Variants in GPD2 observed in about 807,000 individuals in gnomAD.
GPD2 encodes the protein glycerol-3-phosphate dehydrogenase 2.
In GPD2, 54 loss-of-function variants were observed where a neutral mutation model predicts 82.4. That is an observed-to-expected ratio of 0.66 (90% CI 0.53 to 0.82). The LOEUF (loss-of-function observed/expected upper bound fraction) is 0.82, where lower values mean the gene tolerates loss of function less well. Among genes scored for constraint, GPD2 ranks in the 40% least tolerant of loss-of-function variants. GPD2 has a pLI of 0.00. For synonymous variants in GPD2, 288 were observed against 306.1 expected (o/e 0.94, Z 0.62); for missense variants, 748 against 896.2 (o/e 0.83, Z 2.11).
chr2:156,405,007 T>C, the GPD2 span, among the ~76,000 whole-genome samples: 1 of 152,150 alleles, frequency 6.6e-6, no homozygotes, highest in Non-Finnish European at 1.5e-5. Context: ...TTCGGAGCAT[T>C]TGAAGGAATA....
At chr2:156,541,824 G>GTTTTTTTT (rs61067726) in intron 6 of GPD2, among the ~76,000 whole-genome samples, 1,741 of 81,178 alleles carry the variant, frequency 0.021, 89 homozygotes, top group East Asian at 0.045. Flanking sequence ...AATGCTGTTT[G>GTTTTTTTT]TTTTTTTTTT....
upstream of GPD2, among the ~76,000 whole-genome samples, chr2:156,431,904 T>TTTTA (rs1688320871): frequency 7.2e-6 from 1 of 138,604 alleles, no homozygotes; most frequent in African/African-American, 2.5e-5. Context: ...TTTTTTTTTT[T>TTTTA]GAGATAGAGT....
intron 3 of GPD2, among the ~76,000 whole-genome samples, chr2:156,510,203 A>G (rs559887636): frequency 1.3e-4 from 20 of 152,280 alleles, no homozygotes; most frequent in Admixed American, 3.9e-4. Context: ...AAACACCTCA[A>G]TATCAGAACT....
intron 2 of GPD2, among the ~76,000 whole-genome samples, chr2:156,483,394 C>G (rs1258289748): frequency 6.6e-6 from 1 of 152,174 alleles, no homozygotes; most frequent in Admixed American, 6.5e-5. Context: ...TCAATACATA[C>G]AAATCAGTGA....
At chr2:156,529,781 C>T (rs1377294886) in intron 6 of GPD2, among the ~76,000 whole-genome samples, 2 of 151,728 alleles carry the variant, frequency 1.3e-5, no homozygotes, top group Non-Finnish European at 2.9e-5. Context: ...GGGCTCTGTT[C>T]TGTTCCATTG....
chr2:156,458,707 A>G (rs1170055929), intron 1 of GPD2, among the ~76,000 whole-genome samples: 3 of 152,340 alleles, frequency 2.0e-5, no homozygotes, highest in Non-Finnish European at 1.5e-5. Context: ...TAATGGTCAG[A>G]TGATATGGGA....
At chr2:156,416,581 T>C in the GPD2 span, among the ~76,000 whole-genome samples, 3 of 149,918 alleles carry the variant, frequency 2.0e-5, no homozygotes, top group African/African-American at 7.4e-5. Flanking sequence ...CAGGCTGGCC[T>C]CAAACTCCTG....
At chr2:156,436,044 G>T (rs897409783), upstream of GPD2, among the ~76,000 whole-genome samples, 8 of 152,222 alleles carry the variant, frequency 5.3e-5, no homozygotes, top group Non-Finnish European at 7.3e-5. Context: ...GCCCTTGCGT[G>T]TGGCGCTGCG....
At chr2:156,553,175 A>G (rs1478217407) in intron 8 of GPD2, among the ~76,000 whole-genome samples, 1 of 152,084 alleles carries the variant, frequency 6.6e-6, no homozygotes, top group African/African-American at 2.4e-5. Flanking sequence ...GACGTGAGCC[A>G]CTGTGCCCGG....
At chr2:156,502,007 G>A (rs1684600138) in intron 3 of GPD2, 2 of 154,598 alleles carry the variant, frequency 1.3e-5, no homozygotes, top group Non-Finnish European at 2.9e-5. Context: ...AATACATGAA[G>A]TTTAGAATAT....
chr2:156,405,298 C>T, the GPD2 span, among the ~76,000 whole-genome samples: 2 of 152,254 alleles, frequency 1.3e-5, no homozygotes, highest in South Asian at 4.1e-4. Flanking sequence ...GAAATTCTGA[C>T]TTTGAAGTAA....
At chr2:156,484,590 A>G (rs1243591716) in intron 2 of GPD2, among the ~76,000 whole-genome samples, 1 of 152,130 alleles carries the variant, frequency 6.6e-6, no homozygotes, top group African/African-American at 2.4e-5. Flanking sequence ...CTGTAATCCC[A>G]GCACTTTGGG....
the GPD2 span, among the ~76,000 whole-genome samples, chr2:156,416,113 T>C: frequency 8.4e-4 from 127 of 151,998 alleles, no homozygotes; most frequent in Non-Finnish European, 1.6e-3. Context: ...ATTCATTCCT[T>C]TTTATCTTGA....
At chr2:156,531,915 AC>A (rs1685875887) in intron 6 of GPD2, among the ~76,000 whole-genome samples, 1 of 152,098 alleles carries the variant, frequency 6.6e-6, no homozygotes, top group Admixed American at 6.6e-5. Context: ...TGCCTACTCC[AC>A]CAAAAGGGCT....
intron 7 of GPD2, 105 bp downstream of exon 7, chr2:156,549,877 T>A: frequency 1.2e-6 from 1 of 850,792 alleles, no homozygotes; most frequent in Non-Finnish European, 2.0e-6. Flanking sequence ...TATGCCACGC[T>A]TCAGAGTCAT....
chr2:156,520,089 A>G (rs893908053), intron 6 of GPD2, among the ~76,000 whole-genome samples: 1 of 152,128 alleles, frequency 6.6e-6, no homozygotes, highest in Non-Finnish European at 1.5e-5. Flanking sequence ...GAGTGGGAAG[A>G]TAACCTCCCT....
chr2:156,494,751 G>T (rs1481123305), intron 2 of GPD2, among the ~76,000 whole-genome samples: 1 of 152,132 alleles, frequency 6.6e-6, no homozygotes, highest in Non-Finnish European at 1.5e-5. Context: ...ATGATGCTGT[G>T]ATTTGAAGAA....
chr2:156,401,152 T>C, the GPD2 span, among the ~76,000 whole-genome samples: 1 of 152,180 alleles, frequency 6.6e-6, no homozygotes, highest in Non-Finnish European at 1.5e-5. Context: ...AAACTTGCAT[T>C]GGCCGGGAAT....
At chr2:156,482,637 TTCCC>T (rs2105214838) in intron 2 of GPD2, among the ~76,000 whole-genome samples, 2 of 152,304 alleles carry the variant, frequency 1.3e-5, no homozygotes, top group South Asian at 4.1e-4. Flanking sequence ...AATTTCTTCT[TTCCC>T]AAAGTCAGTG....
Sources: gnomAD v4.1 joint callset for allele counts (sites outside exome capture counted in the v4.1 genomes callset) on GRCh38, gnomAD v4.1.1 for gene constraint, MANE v1.5 for transcripts, NCBI Gene and HGNC (gene_info 2026-07-23, HGNC 2026-07-21) for gene names.